AIG1: variants seen among roughly 807,000 people sequenced by gnomAD.
AIG1 encodes the protein androgen induced 1.
In AIG1, 23 loss-of-function variants were observed where a neutral mutation model predicts 31.4. The ratio of observed to expected loss-of-function variants is 0.73; its 90% CI spans 0.53 to 1.04. The LOEUF (loss-of-function observed/expected upper bound fraction) is 1.04, where lower values mean the gene tolerates loss of function less well. Among genes scored for constraint, AIG1 ranks in the 50% least tolerant of loss-of-function variants. AIG1 has a pLI of 0.00. For missense variants in AIG1, 274 were observed against 295.0 expected, an observed-to-expected ratio of 0.93 and a Z score of 0.52; for synonymous variants, 100 against 110.5, an observed-to-expected ratio of 0.90 and a Z score of 0.60.
chr6:143,120,106 G>A (rs982012529), intron 1 of AIG1, among the ~76,000 whole-genome samples: 2 of 151,920 alleles, frequency 1.3e-5, no homozygotes, highest in African/African-American at 4.8e-5. Flanking sequence ...AATTTTTTTT[G>A]TATTTTTAGC....
chr6:143,113,764 ATC>A (rs1030674109), intron 1 of AIG1, among the ~76,000 whole-genome samples: 1 of 151,866 alleles, frequency 6.6e-6, no homozygotes, highest in Non-Finnish European at 1.5e-5. Context: ...GTCCATGTTT[ATC>A]TTATGTAAAT....
chr6:143,075,723 C>G (rs1355193179), intron 1 of AIG1, among the ~76,000 whole-genome samples: 4 of 152,082 alleles, frequency 2.6e-5, no homozygotes, highest in African/African-American at 9.7e-5. Flanking sequence ...ACCCTTTATT[C>G]TTTCCTATAT....
At chr6:143,210,670 C>G (rs1791512892) in intron 3 of AIG1, among the ~76,000 whole-genome samples, 1 of 152,170 alleles carries the variant, frequency 6.6e-6, no homozygotes, top group South Asian at 2.1e-4. Context: ...TACTCAGTTC[C>G]TTTCTTAGGT....
At chr6:143,164,516 T>A (rs1455860532) in intron 2 of AIG1, among the ~76,000 whole-genome samples, 1 of 152,234 alleles carries the variant, frequency 6.6e-6, no homozygotes, top group Non-Finnish European at 1.5e-5. Flanking sequence ...AGCTTCTCAG[T>A]GCAGCTAAAG....
At chr6:143,113,884 C>T (rs1049943297) in intron 1 of AIG1, among the ~76,000 whole-genome samples, 1 of 151,916 alleles carries the variant, frequency 6.6e-6, no homozygotes, top group Non-Finnish European at 1.5e-5. Context: ...ATGGCATTCT[C>T]CTGCCTCAGC....
At chr6:143,182,759 T>G (rs1788852978) in intron 3 of AIG1, among the ~76,000 whole-genome samples, 1 of 152,250 alleles carries the variant, frequency 6.6e-6, no homozygotes, top group Non-Finnish European at 1.5e-5. Context: ...CCCAAATACC[T>G]AGAACAATGC....
intron 1 of AIG1, among the ~76,000 whole-genome samples, chr6:143,083,023 G>T (rs1042604705): frequency 1.3e-5 from 2 of 152,220 alleles, no homozygotes; most frequent in South Asian, 2.1e-4. Context: ...AGCCTGTTAT[G>T]CCAAGGAACA....
rs757190746 is a variant in AIG1 at position 143,187,671 on chromosome 6, C to T, written c.399+22488C>T. The T allele has an allele frequency of 5.2e-6, 8 of 1,536,044 alleles. No homozygotes were observed. The South Asian group carries it at 9.5e-5, about 18-fold the overall frequency. On this transcript the variant is annotated intron_variant, in intron 3 of 5. Transcript: ENST00000357847. ...TTTTCTTGGCACGCTTTTCAAACGCCCATCTGACTTTGAAGCAGGCTGCCT... is the reference window on the plus strand; with the variant it reads ...TTTTCTTGGCACGCTTTTCAAACGCTCATCTGACTTTGAAGCAGGCTGCCT...
chr6:143,147,783 T>G (rs1784832334), intron 2 of AIG1, among the ~76,000 whole-genome samples: 1 of 152,160 alleles, frequency 6.6e-6, no homozygotes. Flanking sequence ...ACTTGCACTT[T>G]CTGAGGCTTC....
At chr6:143,233,945 G>A (rs935356069) in intron 3 of AIG1, among the ~76,000 whole-genome samples, 22 of 152,204 alleles carry the variant, frequency 1.4e-4, no homozygotes, top group African/African-American at 5.1e-4. Context: ...CACATAGTTT[G>A]CCAAGTTAGT....
At chr6:143,305,320 G>T (rs9496574) in intron 4 of AIG1, among the ~76,000 whole-genome samples, 9,235 of 152,078 alleles carry the variant, frequency 0.061, 745 homozygotes, top group African/African-American at 0.18. Flanking sequence ...TGATGTTAGG[G>T]TGTCAGTTTT....
intron 4 of AIG1, among the ~76,000 whole-genome samples, chr6:143,300,227 A>C (rs1798732432): frequency 6.6e-6 from 1 of 152,252 alleles, no homozygotes. Flanking sequence ...GAAATTCTTC[A>C]GAGATGAATT....
rs574031605 is a variant in AIG1 at position 143,102,130 on chromosome 6, T to C, written c.142-34705T>C. Among the ~76,000 whole-genome samples the C allele has an allele frequency of 7.9e-5, 12 of 152,228 alleles. No homozygotes were observed. In the South Asian group the frequency reaches 2.3e-3, roughly 29 times the overall value. On this transcript the variant is annotated intron_variant, in intron 1 of 5. Transcript: ENST00000357847. ...ATGTTCATCCCTAGAGAACTTAAAA[T>C]ATAAATATTTTATAGCTTGCTTTAT... is the stretch of plus-strand genomic sequence containing the variant.
rs538722237 is a variant in AIG1 at position 143,292,535 on chromosome 6, GGGCTTCC to G, written c.515+8311_515+8317del. ...AGGCAAGGAAAGGGATTCTCCCCTAGGGCTTCCAGAAAGGAACTCAGCCCTGCTGACA... is the reference window on the plus strand; with the variant it reads ...AGGCAAGGAAAGGGATTCTCCCCTAGAGAAAGGAACTCAGCCCTGCTGACA... On this transcript the variant is annotated intron_variant, in intron 4 of 5. Transcript: ENST00000357847. This position sits in a 1 kb window ranked among gnomAD's most constrained non-coding sequence, Gnocchi z 4.9. 3.1e-3 allele frequency among the ~76,000 whole-genome samples: 469 copies of G among 152,290 alleles called. No homozygotes were observed. The highest frequency in any genetic ancestry group is 0.011 in the African/African-American group (452 of 41,562).
intron 1 of AIG1, among the ~76,000 whole-genome samples, chr6:143,073,458 CT>C (rs1777469783): frequency 6.6e-6 from 1 of 151,998 alleles, no homozygotes; most frequent in Non-Finnish European, 1.5e-5. Context: ...CCTCCATACT[CT>C]TTTTCGTATG....
intron 1 of AIG1, among the ~76,000 whole-genome samples, chr6:143,077,202 A>G (rs1248301424): frequency 3.9e-5 from 6 of 152,188 alleles, no homozygotes; most frequent in Non-Finnish European, 7.4e-5. Flanking sequence ...AGAACCCTAT[A>G]GATAAGGTTA....
chr6:143,104,407 C>T (rs1040721826), intron 1 of AIG1, among the ~76,000 whole-genome samples: 5 of 152,188 alleles, frequency 3.3e-5, no homozygotes, highest in Admixed American at 3.3e-4. Flanking sequence ...TTCCTTTCTC[C>T]ATGGGAGTCC....
rs368451735 is a variant in AIG1, at chr6:143,327,554, T to C, written c.516-5728T>C. 177 of 377,958 alleles carry C rather than the reference T, an allele frequency of 4.7e-4. 2 individuals carry two copies. The highest frequency in any genetic ancestry group is 3.7e-3 in the African/African-American group (170 of 46,562). 23.4% of individuals were successfully genotyped at this position (377,958 alleles called of 1,614,324 possible). On this transcript the variant is annotated intron_variant, in intron 4 of 5. Transcript: ENST00000357847. This position sits in a 1 kb window ranked among gnomAD's most constrained non-coding sequence, Gnocchi z 5.3. ...CCATGTGTGGTTGTCCAGAAAATATTCTGAGGATGAAGATTCACCAAATAA... is the reference window on the plus strand; with the variant it reads ...CCATGTGTGGTTGTCCAGAAAATATCCTGAGGATGAAGATTCACCAAATAA...
chr6:143,307,811 C>G (rs1182638674), intron 4 of AIG1, among the ~76,000 whole-genome samples: 1 of 152,240 alleles, frequency 6.6e-6, no homozygotes. Flanking sequence ...AGAGGTGGAG[C>G]CTACAGAGGC....
Sources: allele counts gnomAD v4.1 joint callset (sites outside exome capture counted in the v4.1 genomes callset), GRCh38; gene constraint gnomAD v4.1.1; non-coding constraint Gnocchi (gnomAD v3.1); transcripts MANE v1.5; gene names NCBI Gene and HGNC (gene_info 2026-07-23, HGNC 2026-07-21).